Variants in ANO10 observed in about 807,000 individuals in gnomAD.
ANO10 encodes the protein anoctamin-10.
ANO10 carries 77 observed loss-of-function variants against 74.7 expected under a neutral mutation model. The observed-to-expected ratio is 1.03, with a 90% confidence interval of 0.86 to 1.25. The LOEUF (loss-of-function observed/expected upper bound fraction) is 1.25, where lower values mean the gene tolerates loss of function less well. Among genes scored for constraint, ANO10 ranks in the 50% most tolerant of loss-of-function variants. The probability of loss-of-function intolerance (pLI) is 0.00; values close to 1 mark genes in which losing one functional copy is unlikely to be tolerated. For synonymous variants in ANO10, 279 were observed against 284.9 expected, an observed-to-expected ratio of 0.98 and a Z score of 0.21; for missense variants, 721 against 778.1, an observed-to-expected ratio of 0.93 and a Z score of 0.87.
intron 11 of ANO10, among the ~76,000 whole-genome samples, chr3:43,433,546 T>C (rs1417403219): frequency 2.0e-5 from 3 of 152,186 alleles, no homozygotes; most frequent in Non-Finnish European, 4.4e-5. Flanking sequence ...ATTAATTCAA[T>C]GATTGTAACT....
intron 1 of ANO10, among the ~76,000 whole-genome samples, chr3:43,680,221 C>T (rs923358965): frequency 2.0e-5 from 3 of 152,032 alleles, no homozygotes; most frequent in African/African-American, 7.2e-5. Context: ...CTAGAATAAC[C>T]AATGCAGAGG....
At chr3:43,432,583 C>T (rs763329067) in intron 12 of ANO10, 28 bp downstream of exon 12, 2 of 1,497,242 alleles carry the variant, frequency 1.3e-6, no homozygotes, top group Admixed American at 3.3e-5. Context: ...TAAAGCAATA[C>T]ATACATTTTC....
intron 1 of ANO10, among the ~76,000 whole-genome samples, chr3:43,615,554 G>C (rs952436269): frequency 6.6e-6 from 1 of 151,824 alleles, no homozygotes; most frequent in Non-Finnish European, 1.5e-5. Context: ...CTCTATATTT[G>C]TAAAATAGTA....
At chr3:43,465,329 G>A (rs1274341834) in intron 11 of ANO10, among the ~76,000 whole-genome samples, 2 of 152,172 alleles carry the variant, frequency 1.3e-5, no homozygotes, top group Non-Finnish European at 2.9e-5. Flanking sequence ...CCTAGGCCAT[G>A]TGGTATAGCC....
rs1194011230 is a variant in ANO10 at position 43,366,651 on chromosome 3, G to A, written c.*255C>T. 5 of 565,150 alleles carry A rather than the reference G, an allele frequency of 8.8e-6. No individual in the cohort carries two copies. The African/African-American group carries it at 9.4e-5, about 11-fold the overall frequency. The allele number at this position is 565,150 out of a possible 1,614,324, so 35.0% of individuals were successfully genotyped here. A position where few individuals can be genotyped will look rare whatever the true frequency, so the allele number is the denominator to read the frequency against. Reference sequence around the variant, plus strand: ...TGGCTCTGCAGCAAAGTTGGCAGCTGGAGCAGCGTGTGGGGCCCGGGAAGG... The same window carrying A: ...TGGCTCTGCAGCAAAGTTGGCAGCTAGAGCAGCGTGTGGGGCCCGGGAAGG... On this transcript the variant is annotated 3_prime_UTR_variant, in exon 13 of 13. Transcript: ENST00000292246.
intron 1 of ANO10, among the ~76,000 whole-genome samples, chr3:43,667,957 T>C (rs1038687734): frequency 3.9e-5 from 6 of 152,224 alleles, no homozygotes; most frequent in Non-Finnish European, 4.4e-5. Flanking sequence ...AGATACCCAG[T>C]AGTGGGATTG....
chr3:43,494,802 T>A (rs1006926089), intron 11 of ANO10, among the ~76,000 whole-genome samples: 1 of 152,156 alleles, frequency 6.6e-6, no homozygotes, highest in Admixed American at 6.5e-5. Context: ...AGTGAATACG[T>A]TTTTAGGAGG....
chr3:43,492,709 G>C (rs1012217627), intron 11 of ANO10, among the ~76,000 whole-genome samples: 2 of 152,200 alleles, frequency 1.3e-5, no homozygotes, highest in Non-Finnish European at 1.5e-5. Context: ...CTGGTCATTA[G>C]AGAAATGCAA....
chr3:43,658,884 G>A (rs1047945573), intron 1 of ANO10, among the ~76,000 whole-genome samples: 3 of 152,148 alleles, frequency 2.0e-5, no homozygotes, highest in Admixed American at 1.3e-4. Context: ...ATTGAGTGGG[G>A]TTCTATAAAG....
At chr3:43,382,940 T>C (rs1310358086) in intron 12 of ANO10, among the ~76,000 whole-genome samples, 1 of 152,080 alleles carries the variant, frequency 6.6e-6, no homozygotes, top group Non-Finnish European at 1.5e-5. Context: ...CTGAATTCTA[T>C]CAGACATTCA....
intron 12 of ANO10, among the ~76,000 whole-genome samples, chr3:43,391,428 T>C (rs1297450076): frequency 6.6e-6 from 1 of 152,144 alleles, no homozygotes; most frequent in Non-Finnish European, 1.5e-5. Flanking sequence ...AACACTACCA[T>C]ATAAGAAGTA....
At chr3:43,372,190 C>A (rs1160487054) in intron 12 of ANO10, among the ~76,000 whole-genome samples, 1 of 152,192 alleles carries the variant, frequency 6.6e-6, no homozygotes, top group African/African-American at 2.4e-5. Flanking sequence ...TCTCAGGAAG[C>A]AGTGCCACCA....
chr3:43,514,950 T>A (rs1345814016), intron 11 of ANO10, among the ~76,000 whole-genome samples: 1 of 152,210 alleles, frequency 6.6e-6, no homozygotes, highest in Non-Finnish European at 1.5e-5. Context: ...TGCCAGAATA[T>A]GTGGGATGCA....
intron 9 of ANO10, among the ~76,000 whole-genome samples, chr3:43,560,311 G>A (rs1286999568): frequency 6.6e-6 from 1 of 152,050 alleles, no homozygotes; most frequent in Non-Finnish European, 1.5e-5. Context: ...GCTCAGTGGG[G>A]GCAACTGCAA....
chr3:43,389,255 T>C (rs532322788), intron 12 of ANO10, among the ~76,000 whole-genome samples: 2 of 152,370 alleles, frequency 1.3e-5, no homozygotes, highest in East Asian at 3.9e-4. Flanking sequence ...TACTAGTGCT[T>C]TCTTATATGA....
intron 1 of ANO10, among the ~76,000 whole-genome samples, chr3:43,628,782 G>A (rs370282334): frequency 5.3e-5 from 8 of 152,182 alleles, no homozygotes; most frequent in South Asian, 4.2e-4. Flanking sequence ...CTCCCATAGC[G>A]CTCCCAGGCT....
chr3:43,577,325 A>G, intron 5 of ANO10, 64 bp from the exon 6 acceptor site: 1 of 1,486,620 alleles, frequency 6.7e-7, no homozygotes, highest in South Asian at 1.2e-5. Flanking sequence ...AATCATTTCA[A>G]GTACGCTTAT....
intron 2 of ANO10, among the ~76,000 whole-genome samples, chr3:43,602,725 T>C (rs1263771411): frequency 6.6e-6 from 1 of 152,224 alleles, no homozygotes; most frequent in Non-Finnish European, 1.5e-5. Flanking sequence ...TCATTACATG[T>C]TCATGTTTAC....
At chr3:43,486,471 CTT>C (rs1465376725) in intron 11 of ANO10, among the ~76,000 whole-genome samples, 17 of 150,706 alleles carry the variant, frequency 1.1e-4, no homozygotes, top group African/African-American at 4.1e-4. Flanking sequence ...TTTGTATCCT[CTT>C]TTATTTCCTT....
Sources: gnomAD v4.1 joint callset for allele counts (sites outside exome capture counted in the v4.1 genomes callset) on GRCh38, gnomAD v4.1.1 for gene constraint, MANE v1.5 for transcripts, NCBI Gene and HGNC (gene_info 2026-07-23, HGNC 2026-07-21) for gene names.